AFF1: variants seen among roughly 807,000 people sequenced by gnomAD.
AFF1 encodes the protein AF4/FMR2 family member 1.
A neutral mutation model predicts 121.7 loss-of-function variants in AFF1; 48 were observed. The observed-to-expected ratio is 0.39, with a 90% CI of 0.31 to 0.50. The LOEUF (loss-of-function observed/expected upper bound fraction) is 0.50, where lower values mean the gene tolerates loss of function less well. Ranked by LOEUF, AFF1 falls within the 20% of genes least tolerant of loss-of-function variation. AFF1 has a pLI of 0.76. For synonymous variants in AFF1, 613 were observed against 563.0 expected (o/e 1.09, Z -1.26); for missense variants, 1,523 against 1,511.7 (o/e 1.01, Z -0.12).
intron 2 of AFF1, among the ~76,000 whole-genome samples, chr4:86,993,848 C>T (rs1027556279): frequency 2.0e-5 from 3 of 152,136 alleles, no homozygotes; most frequent in Non-Finnish European, 4.4e-5. Context: ...CCTGTAATTC[C>T]AGCTACTCGG....
chr4:86,998,766 G>C (rs950496269), intron 2 of AFF1, among the ~76,000 whole-genome samples: 5 of 152,166 alleles, frequency 3.3e-5, no homozygotes, highest in African/African-American at 1.2e-4. Flanking sequence ...AGTGGAGGGG[G>C]TGGTAGTGGT....
chr4:87,098,249 G>C (rs1725072097), intron 8 of AFF1, among the ~76,000 whole-genome samples: 1 of 152,128 alleles, frequency 6.6e-6, no homozygotes, highest in Non-Finnish European at 1.5e-5. Flanking sequence ...TAAATGTAAT[G>C]GTTCAGCATG....
chr4:87,118,003 A>T (rs1560646091), intron 12 of AFF1, among the ~76,000 whole-genome samples: 1 of 152,208 alleles, frequency 6.6e-6, no homozygotes, highest in Admixed American at 6.5e-5. Context: ...CATTTGGATA[A>T]TGAAGATATT....
At chr4:87,026,396 C>A (rs1367609607) in intron 2 of AFF1, among the ~76,000 whole-genome samples, 1 of 152,146 alleles carries the variant, frequency 6.6e-6, no homozygotes, top group Non-Finnish European at 1.5e-5. Flanking sequence ...CCATGCCCTG[C>A]TGAGACCATT....
intron 4 of AFF1, among the ~76,000 whole-genome samples, chr4:87,059,791 A>T (rs1720545161): frequency 6.6e-6 from 1 of 152,130 alleles, no homozygotes; most frequent in African/African-American, 2.4e-5. Flanking sequence ...CCCAGGCCCG[A>T]GTTTCAGCAC....
intron 11 of AFF1, among the ~76,000 whole-genome samples, chr4:87,112,616 C>G (rs1261312828): frequency 6.6e-6 from 1 of 152,188 alleles, no homozygotes; most frequent in Admixed American, 6.5e-5. Context: ...TATTTTGCAT[C>G]ATGGATTTCC....
chr4:87,111,002 T>TTTTTTTTA (rs1560635302), intron 11 of AFF1, among the ~76,000 whole-genome samples: 9 of 89,816 alleles, frequency 1.0e-4, no homozygotes, highest in African/African-American at 4.0e-4. Flanking sequence ...AACTTTATTT[T>TTTTTTTTA]TTTTTTTTTA....
At chr4:87,132,160 C>T (rs570329641) in intron 18 of AFF1, 111 bp from the exon 19 acceptor site, 1 of 1,279,778 alleles carries the variant, frequency 7.8e-7, no homozygotes, top group African/African-American at 1.5e-5. Context: ...TACATACTAA[C>T]TCACACAGGT....
intron 2 of AFF1, among the ~76,000 whole-genome samples, chr4:86,963,800 CTT>C (rs71660104): frequency 2.1e-5 from 3 of 143,902 alleles, no homozygotes; most frequent in African/African-American, 2.5e-5. Flanking sequence ...CTTTTCATTT[CTT>C]TTTTTTTTTT....
chr4:87,073,451 A>C (rs1174974864), intron 4 of AFF1, among the ~76,000 whole-genome samples: 1 of 152,110 alleles, frequency 6.6e-6, no homozygotes, highest in African/African-American at 2.4e-5. Context: ...TCCTCAGAGT[A>C]TATATGCCTC....
In AFF1 at chr4:87,138,489, A is replaced by AGG; in HGVS notation, c.*2789_*2790dup. 1 of 148,506 alleles carries AGG rather than the reference A, an allele frequency of 6.7e-6. No individual in the cohort carries two copies. Among genetic ancestry groups the AGG allele is most frequent in the African/African-American group, 4.5e-5 (1 of 22,396 alleles). The allele number at this position is 148,506 out of a possible 1,614,324, so 9.2% of individuals were successfully genotyped here. On this transcript the variant is annotated 3_prime_UTR_variant, in exon 21 of 21. Transcript: ENST00000395146. Reference sequence around the variant, plus strand: ...TGTAAATCTTGCCTTTGGCACTACAAGGTGTGTGTGTGTGTGTGTGTGTGT... The same window carrying AGG: ...TGTAAATCTTGCCTTTGGCACTACAAGGGGTGTGTGTGTGTGTGTGTGTGTGT...
chr4:87,025,722 AG>A (rs767215458), intron 2 of AFF1, among the ~76,000 whole-genome samples: 5 of 152,202 alleles, frequency 3.3e-5, no homozygotes, highest in Non-Finnish European at 7.3e-5. Flanking sequence ...TACACAGGAC[AG>A]CCCCACCCTA....
Position 87,126,128 on chromosome 4 carries a change from A to T in AFF1, c.2603A>T (p.Lys868Met). 6.2e-7 allele frequency: 1 copy of T among 1,614,060 alleles called. No individual in the cohort carries two copies. The highest frequency in any genetic ancestry group is 1.1e-5 in the South Asian group (1 of 91,062). Residue 868 changes from lysine (K) to methionine (M), a missense_variant, in exon 14 of 21, where the codon AAG (lysine) becomes ATG (methionine). Transcript: ENST00000395146. The part of the protein sequence containing the change: ...KPSRPSSQSS[K>M]KEMLPPPPVS... The stretch of plus-strand genomic sequence containing the variant: ...TCCAGGCCCTCCTCACAGTCCTCAA[A>T]GAAGGAAATGCTCCCCCCGCCACCC...
chr4:87,074,769 A>T (rs1007448764), intron 4 of AFF1, among the ~76,000 whole-genome samples: 1 of 152,218 alleles, frequency 6.6e-6, no homozygotes, highest in African/African-American at 2.4e-5. Context: ...ATTATATTGT[A>T]TGTGATCTCA....
chr4:87,096,703 A>G (rs1418903595), intron 8 of AFF1, among the ~76,000 whole-genome samples: 1 of 152,058 alleles, frequency 6.6e-6, no homozygotes, highest in African/African-American at 2.4e-5. Flanking sequence ...ACAGGCTACT[A>G]TGATGCCCGG....
chr4:87,098,348 C>T (rs557027267), intron 8 of AFF1, among the ~76,000 whole-genome samples: 1 of 152,164 alleles, frequency 6.6e-6, no homozygotes, highest in African/African-American at 2.4e-5. Flanking sequence ...CAATTTGCCC[C>T]TAAGTTTAAG....
intron 1 of AFF1, among the ~76,000 whole-genome samples, chr4:86,937,983 T>C (rs1055040319): frequency 1.3e-5 from 2 of 152,092 alleles, no homozygotes; most frequent in African/African-American, 4.8e-5. Context: ...GGTGAAAAAA[T>C]TGAGCTTAGA....
intron 8 of AFF1, among the ~76,000 whole-genome samples, chr4:87,100,438 C>G (rs887480493): frequency 6.6e-6 from 1 of 152,174 alleles, no homozygotes; most frequent in African/African-American, 2.4e-5. Flanking sequence ...ACAAGACTTG[C>G]ATTGTGCTCT....
At chr4:86,980,949 C>G (rs1476717517) in intron 2 of AFF1, among the ~76,000 whole-genome samples, 2 of 119,278 alleles carry the variant, frequency 1.7e-5, no homozygotes, top group African/African-American at 6.2e-5. Flanking sequence ...CTTGAGGCAC[C>G]CCCCCCCTCC....
Sources: allele counts gnomAD v4.1 joint callset (sites outside exome capture counted in the v4.1 genomes callset), GRCh38; gene constraint gnomAD v4.1.1; transcripts MANE v1.5; gene names NCBI Gene and HGNC (gene_info 2026-07-23, HGNC 2026-07-21).